RBFOX1: variants seen among roughly 807,000 people sequenced by gnomAD.
RBFOX1 encodes RNA binding fox-1 homolog 1.
Under a neutral mutation model 57.7 loss-of-function variants are expected in RBFOX1, and 8 were observed. The observed-to-expected ratio is 0.14, with a 90% CI of 0.08 to 0.25. The LOEUF (loss-of-function observed/expected upper bound fraction) is 0.25. RBFOX1 is among the 10% of genes least tolerant of loss of function. The pLI, the probability that RBFOX1 is intolerant of heterozygous loss-of-function variation, is 1.00. For missense variants in RBFOX1, 611 were observed against 548.5 expected (o/e 1.11, Z -1.14); for synonymous variants, 326 against 222.4 (o/e 1.47, Z -4.15).
intron 4 of RBFOX1, among the ~76,000 whole-genome samples, chr16:7,255,544 G>C (rs1363067260): frequency 6.6e-6 from 1 of 152,112 alleles, no homozygotes; most frequent in Non-Finnish European, 1.5e-5. Flanking sequence ...GATTGAAAAA[G>C]AATTTGCACC....
chr16:6,735,905 G>T (rs558544848), intron 3 of RBFOX1, among the ~76,000 whole-genome samples: 1 of 146,090 alleles, frequency 6.8e-6, no homozygotes, highest in Non-Finnish European at 1.5e-5. Context: ...GTTGAAGAAT[G>T]AGGGAGTTTT....
chr16:7,291,682 G>A (rs1029620441), intron 4 of RBFOX1, among the ~76,000 whole-genome samples: 3 of 151,834 alleles, frequency 2.0e-5, no homozygotes, highest in Non-Finnish European at 2.9e-5. Context: ...TGGGACCTTG[G>A]CACTGAGACA....
At chr16:7,038,797 C>A (rs1037432465) in intron 3 of RBFOX1, among the ~76,000 whole-genome samples, 1 of 152,248 alleles carries the variant, frequency 6.6e-6, no homozygotes, top group East Asian at 1.9e-4. Flanking sequence ...TGGGGGACTT[C>A]TTTTGTTGAT....
At chr16:6,125,572 G>C (rs902384996) in intron 1 of RBFOX1, among the ~76,000 whole-genome samples, 11 of 152,172 alleles carry the variant, frequency 7.2e-5, no homozygotes, top group Non-Finnish European at 1.0e-4. Context: ...ACTTCTCATT[G>C]GTCAAGGATT....
intron 3 of RBFOX1, among the ~76,000 whole-genome samples, chr16:6,756,522 A>G (rs780162659): frequency 1.4e-4 from 21 of 152,184 alleles, no homozygotes; most frequent in Non-Finnish European, 3.1e-4. Context: ...AATGCAGCAA[A>G]GAGAGGATCT....
At chr16:6,871,687 C>T (rs991341613) in intron 3 of RBFOX1, among the ~76,000 whole-genome samples, 3 of 152,240 alleles carry the variant, frequency 2.0e-5, no homozygotes, top group Admixed American at 2.0e-4. Flanking sequence ...CCACTCTTGT[C>T]CCCATTAATC....
At chr16:7,604,700 G>A (rs1198950077) in intron 9 of RBFOX1, among the ~76,000 whole-genome samples, 2 of 152,152 alleles carry the variant, frequency 1.3e-5, no homozygotes, top group East Asian at 3.9e-4. Context: ...ATGCCTCTGA[G>A]AGATCTGGAA....
intron 4 of RBFOX1, among the ~76,000 whole-genome samples, chr16:7,485,166 A>G (rs1024936547): frequency 3.2e-4 from 49 of 152,096 alleles, no homozygotes; most frequent in Admixed American, 2.6e-3. Context: ...TTAGTTAATA[A>G]TCAAGGGACA....
intron 2 of RBFOX1, among the ~76,000 whole-genome samples, chr16:5,500,769 G>T (rs1300917934): frequency 2.0e-5 from 3 of 152,108 alleles, no homozygotes; most frequent in African/African-American, 4.8e-5. Context: ...AGCTTTTTGC[G>T]TGGTAACTTC....
At chr16:5,284,980 C>A (rs2063358135) in intron 1 of RBFOX1, among the ~76,000 whole-genome samples, 1 of 151,762 alleles carries the variant, frequency 6.6e-6, no homozygotes, top group Non-Finnish European at 1.5e-5. Context: ...AATCTTTGAG[C>A]TTCCTGTATT....
At chr16:7,361,440 G>A (rs963510619) in intron 4 of RBFOX1, among the ~76,000 whole-genome samples, 2 of 152,142 alleles carry the variant, frequency 1.3e-5, no homozygotes, top group Non-Finnish European at 2.9e-5. Context: ...TTGAAAGAAC[G>A]GTTTCCTTTT....
intron 3 of RBFOX1, among the ~76,000 whole-genome samples, chr16:5,789,286 C>T (rs2342735): frequency 1.2e-4 from 19 of 152,022 alleles, no homozygotes; most frequent in Middle Eastern, 3.4e-3. Flanking sequence ...GGGAGCCAGG[C>T]GCATCAGGGA....
At chr16:6,668,635 T>C (rs1424356157) in intron 3 of RBFOX1, among the ~76,000 whole-genome samples, 1 of 152,226 alleles carries the variant, frequency 6.6e-6, no homozygotes, top group Non-Finnish European at 1.5e-5. Context: ...TCACATGATG[T>C]CATCCTCATA....
intron 11 of RBFOX1, among the ~76,000 whole-genome samples, chr16:7,643,137 T>C (rs552138403): frequency 6.6e-6 from 1 of 152,352 alleles, no homozygotes; most frequent in Non-Finnish European, 1.5e-5. Context: ...TTACCACCAA[T>C]TCTACTGCCT....
chr16:6,909,003 G>C lies in RBFOX1; in HGVS notation c.-15-143054G>C, dbSNP rs60384999. 8.5e-3 allele frequency among the ~76,000 whole-genome samples: 1,295 copies of C among 152,204 alleles called. 17 individuals are homozygous for C. Among genetic ancestry groups the C allele is most frequent in the African/African-American group, 0.03 (1,234 of 41,522 alleles). On this transcript the variant is annotated intron_variant, in intron 3 of 15. Coordinates refer to ENST00000550418, the MANE Select transcript of RBFOX1 (RefSeq NM_018723.4). ...GTTCTTCTGCTTCTGAACATGCTTA[G>C]ACTTCCATTTCTGTAGGAGGTTCTT...
intron 1 of RBFOX1, among the ~76,000 whole-genome samples, chr16:5,417,931 A>T (rs2151478589): frequency 6.6e-6 from 1 of 152,252 alleles, no homozygotes; most frequent in Middle Eastern, 3.4e-3. Flanking sequence ...AAATACAAAA[A>T]TTCGCTGGGT....
chr16:5,885,377 TC>T (rs565931930), intron 4 of RBFOX1, among the ~76,000 whole-genome samples: 1 of 148,616 alleles, frequency 6.7e-6, no homozygotes, highest in Non-Finnish European at 1.5e-5. Flanking sequence ...AATCATCCAA[TC>T]TGCCATCTGA....
intron 3 of RBFOX1, among the ~76,000 whole-genome samples, chr16:6,881,906 A>C (rs948585420): frequency 2.6e-5 from 4 of 152,226 alleles, no homozygotes; most frequent in African/African-American, 9.7e-5. Flanking sequence ...GCTGTATAGC[A>C]GGATTTAGAT....
At chr16:7,532,213 C>T (rs758142519) in intron 5 of RBFOX1, among the ~76,000 whole-genome samples, 1 of 151,604 alleles carries the variant, frequency 6.6e-6, no homozygotes. Context: ...CCCCCTCTTC[C>T]CTCTAATTGG....
Sources: allele counts gnomAD v4.1 joint callset (sites outside exome capture counted in the v4.1 genomes callset), GRCh38; gene constraint gnomAD v4.1.1; transcripts MANE v1.5; gene names NCBI Gene and HGNC (gene_info 2026-07-23, HGNC 2026-07-21).